The following NPIPB11 variants were observed in gnomAD, a reference collection of about 807,000 sequenced individuals.
NPIPB11 encodes the protein nuclear pore complex interacting protein family member B11.
A neutral mutation model predicts 32.8 loss-of-function variants in NPIPB11; 17 were observed. That is an observed-to-expected ratio of 0.52 (90% confidence interval 0.35 to 0.78). The LOEUF (loss-of-function observed/expected upper bound fraction) is 0.78. Ranked by LOEUF, NPIPB11 falls within the 30% of genes least tolerant of loss-of-function variation. The pLI is 0.01. For synonymous variants in NPIPB11, 209 were observed against 398.4 expected, an observed-to-expected ratio of 0.52 and a Z score of 5.66; for missense variants, 537 against 1,000.4, an observed-to-expected ratio of 0.54 and a Z score of 6.25.
At chr16:29,397,145 TG>T (rs1331964254) in intron 2 of NPIPB11, among the ~76,000 whole-genome samples, 1 of 143,466 alleles carries the variant, frequency 7.0e-6, no homozygotes, top group Non-Finnish European at 1.5e-5. Context: ...CACTCCAGCC[TG>T]GGCGACAGAG....
At chr16:29,393,984 A>G (rs1456926376) in exon 3 of NPIPB11, 2 of 1,599,478 alleles carry the variant, frequency 1.3e-6, no homozygotes, top group African/African-American at 1.3e-5. Context: ...TGACAACTTT[A>G]TAACTTGTCG....
intron 5 of NPIPB11, among the ~76,000 whole-genome samples, chr16:29,387,424 TTCTC>T (rs1408697906): frequency 1.1e-4 from 16 of 149,176 alleles, no homozygotes; most frequent in African/African-American, 3.3e-4. Context: ...TGAGACCTGA[TTCTC>T]AGTCAGAGGC....
chr16:29,383,051 G>A, exon 8 of NPIPB11: 1 of 1,608,814 alleles, frequency 6.2e-7, no homozygotes, highest in East Asian at 2.2e-5. Flanking sequence ...ACCCGCAGAT[G>A]CTCAGCAGGT....
intron 3 of NPIPB11, among the ~76,000 whole-genome samples, chr16:29,390,653 T>TAC (rs56110526): frequency 6.1e-4 from 90 of 146,888 alleles, no homozygotes; most frequent in African/African-American, 7.0e-4. Flanking sequence ...CTCTGTCACA[T>TAC]ACACACACAC....
intron 2 of NPIPB11, among the ~76,000 whole-genome samples, chr16:29,400,703 A>C (rs1406279131): frequency 1.3e-5 from 2 of 151,792 alleles, no homozygotes; most frequent in Admixed American, 6.6e-5. Context: ...ACTCCTGGGG[A>C]CAGCTGAGTG....
At chr16:29,405,617 T>C (rs948019810), upstream of NPIPB11, among the ~76,000 whole-genome samples, 1 of 152,142 alleles carries the variant, frequency 6.6e-6, no homozygotes, top group Non-Finnish European at 1.5e-5. Flanking sequence ...ACACGGCTAG[T>C]AAGTGTGGAG....
At position 29,383,133 on chromosome 16, in the gene NPIPB11, CTTGAGA is replaced by C. The variant is rs919481616; in HGVS notation, c.1793_1798del (p.Ile598_Ser599del). 3.1e-6 allele frequency: 5 copies of C among 1,591,060 alleles called. No homozygotes were observed. The African/African-American group carries it at 5.6e-5, about 18-fold the overall frequency. ...GAGTGAGCTGACGCTCGGAAGGTCT[CTTGAGA>C]TTATCATCCGCTGAGGGTGGAAGCG... is the stretch of plus-strand genomic sequence containing the variant. On this transcript the variant is annotated inframe_deletion, in exon 8 of 8. Coordinates refer to ENST00000524087, the Ensembl canonical transcript of NPIPB11.
At chr16:29,397,634 C>T (rs112165220) in intron 2 of NPIPB11, 75,675 of 1,448,750 alleles carry the variant, frequency 0.052, 2,273 homozygotes, top group South Asian at 0.065. Context: ...GCATCCACCG[C>T]CCCCGCATGT....
At chr16:29,400,910 C>T (rs940554682) in intron 2 of NPIPB11, among the ~76,000 whole-genome samples, 5 of 152,064 alleles carry the variant, frequency 3.3e-5, no homozygotes, top group African/African-American at 1.2e-4. Flanking sequence ...CCCCACTACC[C>T]CCACTATCCC....
intron 5 of NPIPB11, among the ~76,000 whole-genome samples, chr16:29,386,291 G>GAAAAACAAAAACAAAAAC: frequency 1.1e-5 from 1 of 92,274 alleles, no homozygotes; most frequent in Non-Finnish European, 2.3e-5. Flanking sequence ...CTCCATCTCA[G>GAAAAACAAAAACAAAAAC]AAAAACAAAA....
At chr16:29,397,103 G>A (rs1477874004) in intron 2 of NPIPB11, among the ~76,000 whole-genome samples, 1 of 149,406 alleles carries the variant, frequency 6.7e-6, no homozygotes, top group African/African-American at 2.4e-5. Context: ...CCCCGGAAGC[G>A]GAGGTTGCAG....
intron 2 of NPIPB11, among the ~76,000 whole-genome samples, chr16:29,401,584 G>A (rs1453704736): frequency 3.9e-5 from 6 of 152,114 alleles, no homozygotes; most frequent in African/African-American, 1.2e-4. Context: ...CTCCCATGTA[G>A]GCTGACACCA....
rs1316100272 is a variant in NPIPB11, at chr16:29,395,571, CTCTT to C, written c.121-1499_121-1496del. 4.0e-5 allele frequency among the ~76,000 whole-genome samples: 5 copies of C among 126,132 alleles called. No homozygotes were observed. The East Asian group carries it at 1.1e-3, about 28-fold the overall frequency. 82.7% of individuals were successfully genotyped at this position (126,132 alleles called of 152,430 possible). ...AAGAATCCCTCTAAATAATACTTCT[CTCTT>C]GGATTATATGAATCTTTGTCATTTA... On this transcript the variant is annotated intron_variant, in intron 2 of 7. Transcript: ENST00000524087.
upstream of NPIPB11, among the ~76,000 whole-genome samples, chr16:29,405,186 C>T (rs535684760): frequency 3.9e-5 from 6 of 152,040 alleles, no homozygotes; most frequent in African/African-American, 1.4e-4. Flanking sequence ...CCCATATGTC[C>T]GCATGTTTTA....
At position 29,383,873 on chromosome 16, in the gene NPIPB11, A is replaced by ACGCT. The variant is rs1963561072; in HGVS notation, c.1055_1058dup (p.Gln354AlafsTer16). The ACGCT allele has an allele frequency of 1.6e-6, 2 of 1,257,382 alleles. 1 individual carries two copies. The highest frequency in any genetic ancestry group is 2.2e-6 in the Non-Finnish European group (2 of 928,122). The allele number at this position is 1,257,382 out of a possible 1,614,324, so 77.9% of individuals were successfully genotyped here. A position where few individuals can be genotyped will look rare whatever the true frequency, so the allele number is the denominator to read the frequency against. ...CTGAGGGTGGAAGGGGAGTGAGCTG[A>ACGCT]CGCTCGGAAGGTGTCTTGAGATTAT... On this transcript the variant is annotated frameshift_variant, in exon 8 of 8. Coordinates refer to ENST00000524087, the Ensembl canonical transcript of NPIPB11. LOFTEE classifies it low-confidence loss of function (END_TRUNC).
exon 8 of NPIPB11, chr16:29,383,086 G>A (rs143721595): frequency 5.6e-6 from 9 of 1,593,936 alleles, no homozygotes; most frequent in Admixed American, 1.7e-5. Flanking sequence ...ATCTGCTGAG[G>A]GTGGAGCTGA....
intron 3 of NPIPB11, among the ~76,000 whole-genome samples, chr16:29,392,074 A>G (rs1045825323): frequency 6.6e-6 from 1 of 151,854 alleles, no homozygotes; most frequent in Non-Finnish European, 1.5e-5. Flanking sequence ...ATTTCTGCAC[A>G]TAGGATAAAA....
At chr16:29,402,021 G>A (rs1358693971) in intron 2 of NPIPB11, among the ~76,000 whole-genome samples, 4 of 151,452 alleles carry the variant, frequency 2.6e-5, no homozygotes, top group African/African-American at 9.7e-5. Context: ...AACATGAACT[G>A]GTGGTCAGAC....
chr16:29,399,235 G>A (rs1003923265), intron 2 of NPIPB11, among the ~76,000 whole-genome samples: 3 of 152,066 alleles, frequency 2.0e-5, no homozygotes, highest in South Asian at 2.1e-4. Flanking sequence ...CACACAGAGT[G>A]TGCCCAAACT....
Sources: gnomAD v4.1 joint callset for allele counts (sites outside exome capture counted in the v4.1 genomes callset) on GRCh38, gnomAD v4.1.1 for gene constraint, MANE v1.5 for transcripts, NCBI Gene and HGNC (gene_info 2026-07-23, HGNC 2026-07-21) for gene names.